GSKIP: variants seen among roughly 807,000 people sequenced by gnomAD.
The protein encoded by GSKIP is GSK3B-interacting protein.
GSKIP carries 5 observed loss-of-function variants against 11.9 expected under a neutral mutation model. The observed-to-expected ratio is 0.42, with a 90% CI of 0.22 to 0.89. The LOEUF (loss-of-function observed/expected upper bound fraction) is 0.89, where lower values mean the gene tolerates loss of function less well. GSKIP is among the 40% of genes least tolerant of loss of function. The pLI is 0.29. For missense variants in GSKIP, 150 were observed against 166.6 expected, an observed-to-expected ratio of 0.90 and a Z score of 0.55; for synonymous variants, 70 against 62.9, an observed-to-expected ratio of 1.11 and a Z score of -0.54.
intron 3 of GSKIP, 97 bp downstream of exon 3, chr14:96,382,602 A>G (rs1428878761): frequency 1.9e-5 from 15 of 793,490 alleles, no homozygotes; most frequent in Non-Finnish European, 2.8e-5. Context: ...TTAAAAGAGA[A>G]CTGGATATTC....
chr14:96,381,220 T>A (rs192001434), intron 2 of GSKIP, among the ~76,000 whole-genome samples: 235 of 152,316 alleles, frequency 1.5e-3, no homozygotes, highest in African/African-American at 5.3e-3. Context: ...TTAACCCCAG[T>A]TACAGAAGAA....
At chr14:96,378,336 A>G (rs535437656) in intron 1 of GSKIP, among the ~76,000 whole-genome samples, 1 of 152,276 alleles carries the variant, frequency 6.6e-6, no homozygotes, top group South Asian at 2.1e-4. Context: ...TCATAAATAA[A>G]TAACTCTCCA....
chr14:96,366,819 G>T (rs1888898564), intron 1 of GSKIP, among the ~76,000 whole-genome samples: 1 of 152,238 alleles, frequency 6.6e-6, no homozygotes, highest in Admixed American at 6.5e-5. Flanking sequence ...GAAGTGACAG[G>T]TGAGAGGCTG....
chr14:96,374,989 T>G (rs1362352392), intron 1 of GSKIP, among the ~76,000 whole-genome samples: 2 of 152,158 alleles, frequency 1.3e-5, no homozygotes, highest in Non-Finnish European at 2.9e-5. Flanking sequence ...ATAATAACAT[T>G]ATGATGAAGT....
chr14:96,375,436 CT>C (rs202163260), intron 1 of GSKIP, among the ~76,000 whole-genome samples: 44,039 of 114,064 alleles, frequency 0.39, 6,850 homozygotes, highest in Middle Eastern at 0.53. Flanking sequence ...CTTTTTCTCT[CT>C]TTTTTTTTTT....
rs773292152 is a variant in GSKIP, at chr14:96,382,347, A to C, written c.100A>C (p.Arg34=). Residue 34 remains arginine, a synonymous_variant, in exon 3 of 4, where the codon AGG becomes CGG. Transcript: ENST00000555181. The stretch of plus-strand genomic sequence containing the variant: ...TGAAGGAACTGACATGAAAGACATG[A>C]GGCTCGAAGCTGAAGCAGTTGTAAA... ...GFEGTDMKDM[R]LEAEAVVNDV... 1 of 1,613,928 alleles carries C rather than the reference A, an allele frequency of 6.2e-7. No homozygotes were observed. Among genetic ancestry groups the C allele is most frequent in the Non-Finnish European group, 8.5e-7 (1 of 1,179,904 alleles).
intron 1 of GSKIP, among the ~76,000 whole-genome samples, chr14:96,370,672 C>T (rs534638871): frequency 2.0e-5 from 3 of 152,182 alleles, no homozygotes; most frequent in Non-Finnish European, 4.4e-5. Flanking sequence ...CTATCTCCCC[C>T]ACCTCCACCC....
At chr14:96,376,898 T>A (rs1224481767) in intron 1 of GSKIP, among the ~76,000 whole-genome samples, 1 of 151,614 alleles carries the variant, frequency 6.6e-6, no homozygotes, top group Non-Finnish European at 1.5e-5. Flanking sequence ...AAACATAGGA[T>A]AATGATTCAT....
rs868632157 is a variant in GSKIP at position 96,379,714 on chromosome 14, G to A, written c.-76G>A. ...TCGGTGCTGATTATCACAACTGTTT[G>A]GTGACCTACTTCACTGACCTGTGAG... is the stretch of plus-strand genomic sequence containing the variant. On this transcript the variant is annotated 5_prime_UTR_variant, in exon 2 of 4. Transcript: ENST00000555181. The A allele has an allele frequency of 6.6e-6, 1 of 151,972 alleles. No individual in the cohort carries two copies. Among genetic ancestry groups the A allele is most frequent in the Non-Finnish European group, 1.5e-5 (1 of 68,000 alleles). The allele number at this position is 151,972 out of a possible 1,614,324, so 9.4% of individuals were successfully genotyped here.
At chr14:96,377,348 C>T (rs1328711178) in intron 1 of GSKIP, among the ~76,000 whole-genome samples, 1 of 152,124 alleles carries the variant, frequency 6.6e-6, no homozygotes, top group Non-Finnish European at 1.5e-5. Flanking sequence ...ACAGGATTCA[C>T]ATTGATGAGT....
intron 2 of GSKIP, among the ~76,000 whole-genome samples, 167 bp from the exon 3 acceptor site, chr14:96,382,080 G>T (rs1396344955): frequency 6.6e-6 from 1 of 152,120 alleles, no homozygotes; most frequent in African/African-American, 2.4e-5. Context: ...TGATTTTGCT[G>T]TGAAAAACCA....
At position 96,385,542 on chromosome 14, in the gene GSKIP, A is replaced by C; in HGVS notation, c.278A>C (p.Asp93Ala). The C allele has an allele frequency of 6.2e-7, 1 of 1,611,876 alleles. No individual in the cohort carries two copies. The highest frequency in any genetic ancestry group is 8.5e-7 in the Non-Finnish European group (1 of 1,179,168). ...AGLKVVGYAF[D>A]QVDDHLQTPY... ...TTGTAGGTGGTAGGCTATGCTTTTG[A>C]CCAGGTAGATGATCATTTACAGACT... Residue 93 changes from aspartate (D) to alanine (A), a missense_variant, in exon 4 of 4, where the codon GAC (aspartate) becomes GCC (alanine). Transcript: ENST00000555181.
intron 3 of GSKIP, chr14:96,384,601 GAAAAAAA>G (rs202180085): frequency 7.2e-6 from 1 of 138,336 alleles, no homozygotes; most frequent in Non-Finnish European, 1.6e-5. Flanking sequence ...GTGTTCACAG[GAAAAAAA>G]AAAAAAGAAA....
intron 1 of GSKIP, among the ~76,000 whole-genome samples, chr14:96,366,438 A>T (rs1457087784): frequency 6.6e-6 from 1 of 152,240 alleles, no homozygotes; most frequent in African/African-American, 2.4e-5. Context: ...TTCTAGGAGA[A>T]ATTCAGTATA....
chr14:96,378,105 C>T (rs942764338), intron 1 of GSKIP, among the ~76,000 whole-genome samples: 2 of 152,130 alleles, frequency 1.3e-5, no homozygotes, highest in East Asian at 3.8e-4. Flanking sequence ...CCTGTAATCC[C>T]AGCATTGTGG....
At chr14:96,385,130 T>C (rs559177627) in intron 3 of GSKIP, among the ~76,000 whole-genome samples, 99 of 152,282 alleles carry the variant, frequency 6.5e-4, no homozygotes, top group African/African-American at 2.4e-3. Context: ...ACCCTCAATA[T>C]ATGTGGAATT....
chr14:96,367,760 A>C (rs1051403711), intron 1 of GSKIP, among the ~76,000 whole-genome samples: 2 of 152,242 alleles, frequency 1.3e-5, no homozygotes, highest in African/African-American at 4.8e-5. Context: ...AAAATTATGG[A>C]GAAAGAGCTG....
At position 96,384,333 on chromosome 14, in the gene GSKIP, A is replaced by C. The variant is rs140757636; in HGVS notation, c.259-1190A>C. 4.4e-3 allele frequency among the ~76,000 whole-genome samples: 670 copies of C among 152,246 alleles called. 27 individuals are homozygous for C. In the South Asian group the frequency reaches 0.066, roughly 15 times the overall value. On this transcript the variant is annotated intron_variant, in intron 3 of 3. Transcript: ENST00000555181. ...ACTCCACTGTAGAGAGTGCAGTAAT[A>C]GAGCATGGATCTGAAGAGGTGTGAT... is the stretch of plus-strand genomic sequence containing the variant.
chr14:96,366,768 A>C (rs1888897061), intron 1 of GSKIP, among the ~76,000 whole-genome samples: 1 of 152,226 alleles, frequency 6.6e-6, no homozygotes, highest in Non-Finnish European at 1.5e-5. Flanking sequence ...ATAATTACCC[A>C]ACCGAATATT....
Sources: allele counts gnomAD v4.1 joint callset (sites outside exome capture counted in the v4.1 genomes callset), GRCh38; gene constraint gnomAD v4.1.1; transcripts MANE v1.5; gene names NCBI Gene and HGNC (gene_info 2026-07-23, HGNC 2026-07-21).